ZNF564: variants seen among roughly 807,000 people sequenced by gnomAD.
The protein encoded by ZNF564 is zinc finger protein 564.
Under a neutral mutation model 10.5 loss-of-function variants are expected in ZNF564, and 5 were observed. The ratio of observed to expected loss-of-function variants is 0.48; its 90% CI spans 0.25 to 1.00. ZNF564 has a LOEUF of 1.00. Among genes scored for constraint, ZNF564 ranks in the 50% least tolerant of loss-of-function variants. The pLI, the probability that ZNF564 is intolerant of heterozygous loss-of-function variation, is 0.16. For missense variants in ZNF564, 603 were observed against 669.7 expected, an observed-to-expected ratio of 0.90 and a Z score of 1.10; for synonymous variants, 242 against 218.1, an observed-to-expected ratio of 1.11 and a Z score of -0.97.
chr19:12,527,109 C>T lies in ZNF564; in HGVS notation c.999G>A (p.Gly333=), dbSNP rs2021701507. The T allele has an allele frequency of 4.3e-6, 7 of 1,613,358 alleles. No homozygotes were observed. In the East Asian group the frequency reaches 6.7e-5, roughly 15 times the overall value. ...YVRKHERTHT[G]EKPYECNKCG... is the part of the protein sequence containing the mutation. The stretch of plus-strand genomic sequence containing the variant: ...ATTTATTACATTCATAGGGTTTCTC[C>T]CCAGTATGAGTTCTTTCATGCTTTC... The change falls in exon 4 of 4, where the codon GGG becomes GGA. Residue 333 remains glycine (G), a synonymous_variant. Coordinates refer to ENST00000339282, the MANE Select transcript of ZNF564 (RefSeq NM_144976.4).
In ZNF564 at chr19:12,533,460, CT is replaced by C. The variant is rs1402180282; in HGVS notation, c.4-4765del. On this transcript the variant is annotated intron_variant, in intron 1 of 3. Coordinates refer to ENST00000339282, the MANE Select transcript of ZNF564 (RefSeq NM_144976.4). ...GTCTACTTCGGGCTGGGTGCAGTGG[CT>C]CACGCCTATAATCCCAGCAATTTGG... 2.0e-5 allele frequency among the ~76,000 whole-genome samples: 3 copies of C among 152,280 alleles called. No individual in the cohort carries two copies. In the East Asian group the frequency reaches 5.8e-4, roughly 29 times the overall value.
chr19:12,547,168 C>G (rs1399422800), intron 1 of ZNF564, among the ~76,000 whole-genome samples: 1 of 152,124 alleles, frequency 6.6e-6, no homozygotes, highest in Non-Finnish European at 1.5e-5. Context: ...CTTCTGGGCT[C>G]AAGGGATCCT....
rs1481323542 is a variant in ZNF564 at position 12,526,891 on chromosome 19, C to A, written c.1217G>T (p.Ser406Ile). The change falls in exon 4 of 4, where the codon AGT (serine) becomes ATT (isoleucine). Residue 406 changes from serine to isoleucine, a missense_variant. Physicochemically the swap from Ser to Ile is moderately radical, Grantham distance 142. Coordinates refer to ENST00000339282, the MANE Select transcript of ZNF564 (RefSeq NM_144976.4). ...AGTTCTTTCGTGTATTTGAAATGAA[C>A]TGGGACAGTCAAAGGCTCTACCACA... Reference protein sequence around the residue: ...QVCGRAFDCPSSFQIHERTHT... With the variant: ...QVCGRAFDCPISFQIHERTHT... 6.2e-7 allele frequency: 1 copy of A among 1,614,084 alleles called. No individual in the cohort carries two copies. The highest frequency in any genetic ancestry group is 1.1e-5 in the South Asian group (1 of 91,076).
At chr19:12,532,439 G>A (rs2021826035) in intron 1 of ZNF564, among the ~76,000 whole-genome samples, 2 of 144,502 alleles carry the variant, frequency 1.4e-5, no homozygotes, top group South Asian at 2.2e-4. Context: ...GGAGGCTGAG[G>A]CAGGAGAATG....
intron 1 of ZNF564, among the ~76,000 whole-genome samples, chr19:12,538,266 A>G (rs1292921415): frequency 6.6e-6 from 1 of 151,996 alleles, no homozygotes; most frequent in East Asian, 1.9e-4. Flanking sequence ...AGACAGGAGG[A>G]CTGCTTAATG....
intron 1 of ZNF564, among the ~76,000 whole-genome samples, chr19:12,528,925 G>A (rs536702734): frequency 3.3e-5 from 5 of 152,248 alleles, no homozygotes; most frequent in East Asian, 1.9e-4. Flanking sequence ...TTAGCTGGGC[G>A]TGGTGGCGTA....
At position 12,546,858 on chromosome 19, in the gene ZNF564, T is replaced by C. The variant is rs79386959; in HGVS notation, c.3+4472A>G. Reference sequence around the variant, plus strand: ...TCTAAATCCAACCTTAATGGTTAAGTTTCTCTCCTCCTTTCAGCCCTGAAC... The same window carrying C: ...TCTAAATCCAACCTTAATGGTTAAGCTTCTCTCCTCCTTTCAGCCCTGAAC... On this transcript the variant is annotated intron_variant, in intron 1 of 3. Transcript: ENST00000339282. Among the ~76,000 whole-genome samples the C allele has an allele frequency of 6.6e-5, 10 of 152,194 alleles. No individual in the cohort carries two copies. In the East Asian group the frequency reaches 1.7e-3, roughly 26 times the overall value.
At chr19:12,546,557 C>T (rs2022158424) in intron 1 of ZNF564, among the ~76,000 whole-genome samples, 1 of 151,954 alleles carries the variant, frequency 6.6e-6, no homozygotes, top group African/African-American at 2.4e-5. Context: ...GAAACCCCGT[C>T]TCTACTAAAA....
chr19:12,547,118 A>G (rs1314355472), intron 1 of ZNF564, among the ~76,000 whole-genome samples: 13 of 152,194 alleles, frequency 8.5e-5, no homozygotes, highest in Non-Finnish European at 1.0e-4. Flanking sequence ...TGTCCAGGCT[A>G]GAGTACAATG....
chr19:12,528,391 A>G, intron 2 of ZNF564, 27 bp from the exon 3 acceptor site: 1 of 1,595,546 alleles, frequency 6.3e-7, no homozygotes, highest in Non-Finnish European at 8.5e-7. Flanking sequence ...AAAAATCCTT[A>G]TGAACTGATA....
chr19:12,530,802 C>T (rs551486966), intron 1 of ZNF564, among the ~76,000 whole-genome samples: 8 of 152,118 alleles, frequency 5.3e-5, no homozygotes, highest in South Asian at 4.2e-4. Context: ...GAACTTGCTC[C>T]GTCATCCACA....
At position 12,551,210 on chromosome 19, in the gene ZNF564, G is replaced by A. The variant is rs143417557; in HGVS notation, c.3+120C>T. On this transcript the variant is annotated intron_variant, in intron 1 of 3. Coordinates refer to ENST00000339282, the MANE Select transcript of ZNF564 (RefSeq NM_144976.4). ...GGACAGAGGGCCGAGCTGCGCCAGG[G>A]AACTCGGGTCCCAGACCCTGGAGTC... 4.3e-4 allele frequency: 516 copies of A among 1,187,414 alleles called. 3 individuals carry two copies. In the African/African-American group the frequency reaches 7.0e-3, roughly 16 times the overall value. The allele number at this position is 1,187,414 out of a possible 1,614,324, so 73.6% of individuals were successfully genotyped here.
chr19:12,543,316 AAGAG>A, intron 1 of ZNF564, among the ~76,000 whole-genome samples: 1 of 144,136 alleles, frequency 6.9e-6, no homozygotes, highest in Non-Finnish European at 1.5e-5. Context: ...AAAAAAAAAA[AAGAG>A]AGAAGGGGAG....
At chr19:12,549,816 C>T (rs2022218671) in intron 1 of ZNF564, among the ~76,000 whole-genome samples, 2 of 152,136 alleles carry the variant, frequency 1.3e-5, no homozygotes, top group African/African-American at 4.8e-5. Context: ...ATCACTAGAT[C>T]CTCCAAGAGA....
intron 1 of ZNF564, among the ~76,000 whole-genome samples, chr19:12,533,703 G>C (rs1729274766): frequency 7.9e-6 from 1 of 126,980 alleles, no homozygotes; most frequent in Admixed American, 1.0e-4. Context: ...CTCCAGCCTG[G>C]GCGACACAGC....
Position 12,525,727 on chromosome 19 carries a change from A to G in ZNF564, c.*719T>C, listed in dbSNP as rs1410603082. On this transcript the variant is annotated 3_prime_UTR_variant, in exon 4 of 4. Transcript: ENST00000339282. ...TACCATAAATTGGAAAGCTTAATTA[A>G]TCAACAAACATTTATTTCTCATGGT... is the stretch of plus-strand genomic sequence containing the variant. 1 of 152,230 alleles carries G rather than the reference A, an allele frequency of 6.6e-6. No homozygotes were observed. The highest frequency in any genetic ancestry group is 1.5e-5 in the Non-Finnish European group (1 of 68,052). The allele number at this position is 152,230 out of a possible 1,614,324, so 9.4% of individuals were successfully genotyped here.
Position 12,527,641 on chromosome 19 carries a change from A to C in ZNF564, c.467T>G (p.Phe156Cys). 1 of 1,614,130 alleles carries C rather than the reference A, an allele frequency of 6.2e-7. No individual in the cohort carries two copies. The highest frequency in any genetic ancestry group is 1.1e-5 in the South Asian group (1 of 91,082). The change falls in exon 4 of 4, where the codon TTT (phenylalanine) becomes TGT (cysteine). Residue 156 changes from phenylalanine to cysteine, a missense_variant. Coordinates refer to ENST00000339282, the MANE Select transcript of ZNF564 (RefSeq NM_144976.4). ...AGTGTGAGTTCTTTCATGTCTTCGA[A>C]AGGATTGACAAGAACTGAAGGCTTT... ...CGKAFSSCQS[F>C]RRHERTHTGE...
chr19:12,535,768 C>A (rs2021896356), intron 1 of ZNF564, among the ~76,000 whole-genome samples: 1 of 152,038 alleles, frequency 6.6e-6, no homozygotes, highest in South Asian at 2.1e-4. Context: ...GTAATCCCAG[C>A]ACTTTGGGAG....
intron 1 of ZNF564, among the ~76,000 whole-genome samples, chr19:12,549,742 C>T (rs1282928981): frequency 3.9e-5 from 6 of 152,170 alleles, no homozygotes; most frequent in Admixed American, 2.6e-4. Context: ...ACAGCTGCTC[C>T]CGTGAGAGGC....
Sources: gnomAD v4.1 joint callset for allele counts (sites outside exome capture counted in the v4.1 genomes callset) on GRCh38, gnomAD v4.1.1 for gene constraint, MANE v1.5 for transcripts, NCBI Gene and HGNC (gene_info 2026-07-23, HGNC 2026-07-21) for gene names.